OLA1: variants seen among roughly 807,000 people sequenced by gnomAD.
OLA1 encodes the protein obg-like ATPase 1.
In OLA1, 14 loss-of-function variants were observed where a neutral mutation model predicts 48.4. The observed-to-expected ratio is 0.29, with a 90% CI of 0.19 to 0.45. The LOEUF is 0.45. OLA1 is among the 20% of genes least tolerant of loss of function. The probability of loss-of-function intolerance (pLI) is 1.00; values close to 1 mark genes in which losing one functional copy is unlikely to be tolerated. For synonymous variants in OLA1, 127 were observed against 150.4 expected (o/e 0.84, Z 1.14); for missense variants, 325 against 467.1 (o/e 0.70, Z 2.80).
intron 4 of OLA1, among the ~76,000 whole-genome samples, chr2:174,177,669 A>G (rs1295635098): frequency 6.6e-6 from 1 of 152,094 alleles, no homozygotes; most frequent in Admixed American, 6.6e-5. Context: ...TTAAGCAAAT[A>G]GCAATGGACT....
intron 7 of OLA1, among the ~76,000 whole-genome samples, chr2:174,099,054 TAAG>T (rs1450332124): frequency 6.6e-6 from 1 of 152,204 alleles, no homozygotes; most frequent in Admixed American, 6.5e-5. Context: ...CTGCAGTTTC[TAAG>T]AAGGGGCAAA....
intron 4 of OLA1, among the ~76,000 whole-genome samples, chr2:174,149,079 CAT>C (rs1686683270): frequency 8.2e-6 from 1 of 121,960 alleles, no homozygotes; most frequent in Non-Finnish European, 1.7e-5. Flanking sequence ...GAGCTGTCTA[CAT>C]GTGCTCTCTC....
chr2:174,241,730 G>A (rs2105466342), intron 2 of OLA1, among the ~76,000 whole-genome samples: 1 of 152,354 alleles, frequency 6.6e-6, no homozygotes, highest in Admixed American at 6.5e-5. Context: ...CTGCCTCCCA[G>A]GTTCAAGCCA....
At chr2:174,229,593 T>C in intron 2 of OLA1, 142 bp from the exon 3 acceptor site, 1 of 628,942 alleles carries the variant, frequency 1.6e-6, no homozygotes, top group Non-Finnish European at 2.7e-6. Context: ...AACAATACAT[T>C]TTTTACTAAC....
At chr2:174,216,996 G>C (rs1461948422) in intron 4 of OLA1, among the ~76,000 whole-genome samples, 1 of 152,076 alleles carries the variant, frequency 6.6e-6, no homozygotes, top group African/African-American at 2.4e-5. Context: ...TAAGTTTTTG[G>C]GGAGTTAAAA....
At chr2:174,182,146 T>G (rs1009638481) in intron 4 of OLA1, among the ~76,000 whole-genome samples, 1 of 152,222 alleles carries the variant, frequency 6.6e-6, no homozygotes, top group African/African-American at 2.4e-5. Context: ...TAAACTGTAG[T>G]ATGTTCCTAT....
chr2:174,142,160 T>C (rs1558973623), intron 4 of OLA1, among the ~76,000 whole-genome samples, 160 bp from the exon 5 acceptor site: 1 of 152,150 alleles, frequency 6.6e-6, no homozygotes, highest in Non-Finnish European at 1.5e-5. Context: ...CATTTAGTAA[T>C]ACTGAGGCTA....
chr2:174,237,429 A>G (rs1688883628), intron 2 of OLA1, among the ~76,000 whole-genome samples: 1 of 152,100 alleles, frequency 6.6e-6, no homozygotes, highest in Non-Finnish European at 1.5e-5. Context: ...TATAAGTAGA[A>G]AGAGTACACT....
At chr2:174,213,972 GA>G (rs1688305422) in intron 4 of OLA1, among the ~76,000 whole-genome samples, 1 of 150,382 alleles carries the variant, frequency 6.6e-6, no homozygotes, top group Non-Finnish European at 1.5e-5. Flanking sequence ...TATAAAAAAT[GA>G]AAAAAAGTGT....
chr2:174,223,044 A>G lies in OLA1; in HGVS notation c.362T>C (p.Phe121Ser). The change falls in exon 4 of 11, where the codon TTT (phenylalanine) becomes TCT (serine). Residue 121 changes from phenylalanine (F) to serine (S), a missense_variant. Transcript: ENST00000284719. ...LSHISACDGIFHLTRAFEDDD... is the reference protein window; with the variant it reads ...LSHISACDGISHLTRAFEDDD... The stretch of plus-strand genomic sequence containing the variant: ...ACAACTGTACTTACGTGTTAGATGA[A>G]AGATGCCATCACAGGCACTAATATG... The G allele has an allele frequency of 1.2e-6, 2 of 1,612,724 alleles. No homozygotes were observed. Among genetic ancestry groups the G allele is most frequent in the Non-Finnish European group, 1.7e-6 (2 of 1,179,408 alleles).
chr2:174,136,744 T>A (rs949282687), intron 5 of OLA1, among the ~76,000 whole-genome samples: 9 of 152,038 alleles, frequency 5.9e-5, no homozygotes, highest in Admixed American at 5.9e-4. Context: ...TGATCTTGGT[T>A]CACTGCAACC....
At chr2:174,131,429 A>G (rs1423486992) in intron 5 of OLA1, among the ~76,000 whole-genome samples, 1 of 152,144 alleles carries the variant, frequency 6.6e-6, no homozygotes, top group African/African-American at 2.4e-5. Flanking sequence ...ATTCTTGTAC[A>G]TATATTTTGG....
At chr2:174,202,817 T>C (rs958104135) in intron 4 of OLA1, among the ~76,000 whole-genome samples, 1 of 152,168 alleles carries the variant, frequency 6.6e-6, no homozygotes. Context: ...AAATACGGTA[T>C]ATAACACATA....
chr2:174,220,146 A>T (rs866842188), intron 4 of OLA1, among the ~76,000 whole-genome samples: 2 of 152,066 alleles, frequency 1.3e-5, no homozygotes, highest in African/African-American at 4.8e-5. Context: ...AAATAAATAA[A>T]ATCCTTTAGA....
chr2:174,114,172 C>CAAA (rs33971592), intron 7 of OLA1, among the ~76,000 whole-genome samples: 12,514 of 77,970 alleles, frequency 0.16, 824 homozygotes, highest in East Asian at 0.27. Flanking sequence ...ACTAAAAATA[C>CAAA]AAAAAAAAAA....
At chr2:174,170,448 C>T (rs965307916) in intron 4 of OLA1, among the ~76,000 whole-genome samples, 1 of 152,050 alleles carries the variant, frequency 6.6e-6, no homozygotes, top group African/African-American at 2.4e-5. Flanking sequence ...GAGGAACAAA[C>T]CACAGAAGCA....
chr2:174,112,169 C>T (rs2105359962), intron 7 of OLA1, among the ~76,000 whole-genome samples: 1 of 152,268 alleles, frequency 6.6e-6, no homozygotes, highest in East Asian at 1.9e-4. Flanking sequence ...GCCTTGTCTA[C>T]CTTTCCAGCA....
intron 4 of OLA1, among the ~76,000 whole-genome samples, chr2:174,155,846 C>T (rs962658654): frequency 2.0e-5 from 3 of 151,946 alleles, no homozygotes; most frequent in Admixed American, 2.0e-4. Flanking sequence ...CAGATATTTG[C>T]AAAGGGACGC....
chr2:174,150,901 A>T (rs936839575), intron 4 of OLA1, among the ~76,000 whole-genome samples: 4 of 152,248 alleles, frequency 2.6e-5, no homozygotes, highest in African/African-American at 9.6e-5. Flanking sequence ...GCCTTTAAAA[A>T]TAGAAAAAAT....
Sources: gnomAD v4.1 joint callset for allele counts (sites outside exome capture counted in the v4.1 genomes callset) on GRCh38, gnomAD v4.1.1 for gene constraint, MANE v1.5 for transcripts, NCBI Gene and HGNC (gene_info 2026-07-23, HGNC 2026-07-21) for gene names.